Variants in CSMD3 observed in about 807,000 individuals in gnomAD.
The protein encoded by CSMD3 is CUB and Sushi multiple domains 3.
CSMD3 carries 177 observed loss-of-function variants against 435.2 expected under a neutral mutation model. That is an observed-to-expected ratio of 0.41 (90% CI 0.36 to 0.46). The LOEUF (loss-of-function observed/expected upper bound fraction) is 0.46. Among genes scored for constraint, CSMD3 ranks in the 20% least tolerant of loss-of-function variants. The probability of loss-of-function intolerance (pLI) is 0.34; values close to 1 mark genes in which losing one functional copy is unlikely to be tolerated. For synonymous variants in CSMD3, 1,656 were observed against 1,520.5 expected (o/e 1.09, Z -2.07); for missense variants, 4,265 against 4,504.6 (o/e 0.95, Z 1.52).
At chr8:112,629,454 C>T (rs1470870126) in intron 22 of CSMD3, among the ~76,000 whole-genome samples, 1 of 152,112 alleles carries the variant, frequency 6.6e-6, no homozygotes, top group Non-Finnish European at 1.5e-5. Flanking sequence ...TTAAAAAAAT[C>T]ATTTGTTTGC....
intron 3 of CSMD3, among the ~76,000 whole-genome samples, chr8:113,202,265 TCTTG>T (rs2092722949): frequency 6.6e-6 from 1 of 152,154 alleles, no homozygotes; most frequent in African/African-American, 2.4e-5. Context: ...TTCTTCTTAG[TCTTG>T]CTTGGATCTC....
intron 11 of CSMD3, among the ~76,000 whole-genome samples, chr8:112,846,916 C>A (rs573165922): frequency 6.6e-6 from 1 of 152,056 alleles, no homozygotes; most frequent in Admixed American, 6.6e-5. Flanking sequence ...AAAAGATCAG[C>A]GCCTTTAAAA....
At chr8:112,997,393 CATTA>C (rs1249117548) in intron 6 of CSMD3, among the ~76,000 whole-genome samples, 1 of 151,490 alleles carries the variant, frequency 6.6e-6, no homozygotes, top group Admixed American at 6.6e-5. Flanking sequence ...TTATAATGTA[CATTA>C]ATTATTTATG....
At chr8:112,227,997 G>T (rs1311054953) in intron 70 of CSMD3, among the ~76,000 whole-genome samples, 1 of 152,022 alleles carries the variant, frequency 6.6e-6, no homozygotes, top group Non-Finnish European at 1.5e-5. Flanking sequence ...AGCCGAGATT[G>T]TGCCACTGCA....
intron 6 of CSMD3, among the ~76,000 whole-genome samples, chr8:112,986,136 T>C (rs1285619047): frequency 6.6e-6 from 1 of 152,182 alleles, no homozygotes; most frequent in Non-Finnish European, 1.5e-5. Flanking sequence ...AATAAGAATA[T>C]GGAACACTCA....
chr8:113,400,472 A>T (rs985566471), intron 1 of CSMD3, among the ~76,000 whole-genome samples: 4 of 152,010 alleles, frequency 2.6e-5, no homozygotes, highest in African/African-American at 9.7e-5. Context: ...TATATTTAAA[A>T]ACTGCTATGA....
chr8:112,955,546 G>T (rs554581239), intron 7 of CSMD3, among the ~76,000 whole-genome samples: 9 of 151,740 alleles, frequency 5.9e-5, no homozygotes, highest in Admixed American at 2.6e-4. Flanking sequence ...TAGCTATTTT[G>T]AAATATAAGA....
chr8:112,361,572 C>CATACATATATATATATAT lies in CSMD3; in HGVS notation c.6137-9039_6137-9038insATATATATATATATGTAT, dbSNP rs1314097693. ...GTGTGTATGTATATATATACACATA[C>CATACATATATATATATAT]ATATATATATATATATATATATATA... On this transcript the variant is annotated intron_variant, in intron 38 of 70. Coordinates refer to ENST00000297405, the MANE Select transcript of CSMD3 (RefSeq NM_198123.2). 2.8e-5 allele frequency among the ~76,000 whole-genome samples: 3 copies of CATACATATATATATATAT among 107,204 alleles called. 1 individual carries two copies. The highest frequency in any genetic ancestry group is 6.3e-4 in the South Asian group (2 of 3,178). The allele number at this position is 107,204 out of a possible 152,430, so 70.3% of individuals were successfully genotyped here.
intron 27 of CSMD3, among the ~76,000 whole-genome samples, chr8:112,547,669 GAA>G (rs1827304642): frequency 6.6e-6 from 1 of 152,116 alleles, no homozygotes; most frequent in African/African-American, 2.4e-5. Flanking sequence ...AGAATAGTAA[GAA>G]AATATTTTAC....
chr8:113,336,318 G>A (rs538665655), intron 1 of CSMD3, among the ~76,000 whole-genome samples: 33 of 149,424 alleles, frequency 2.2e-4, no homozygotes, highest in Non-Finnish European at 3.6e-4. Flanking sequence ...TGACACTTTC[G>A]CTTGAAAAAA....
intron 22 of CSMD3, among the ~76,000 whole-genome samples, chr8:112,610,012 G>A (rs1195469072): frequency 1.3e-5 from 2 of 151,952 alleles, no homozygotes; most frequent in East Asian, 1.9e-4. Flanking sequence ...TAACAAAGGT[G>A]GGGGGTAGGG....
intron 5 of CSMD3, among the ~76,000 whole-genome samples, chr8:113,053,055 A>G (rs894490928): frequency 6.6e-6 from 1 of 152,138 alleles, no homozygotes; most frequent in Non-Finnish European, 1.5e-5. Flanking sequence ...TTTTCAATCA[A>G]GTCAATGACT....
chr8:112,449,291 A>T, intron 32 of CSMD3, among the ~76,000 whole-genome samples: 1 of 152,170 alleles, frequency 6.6e-6, no homozygotes, highest in Admixed American at 6.5e-5. Context: ...TTTTGTGTTT[A>T]AAACAAAACA....
chr8:113,158,026 A>G (rs1039951778), intron 4 of CSMD3, among the ~76,000 whole-genome samples: 2 of 152,256 alleles, frequency 1.3e-5, no homozygotes, highest in Non-Finnish European at 2.9e-5. Flanking sequence ...ATAAGTAAGT[A>G]GAAAAAGAAG....
At chr8:113,055,193 C>T (rs1587977747) in intron 5 of CSMD3, among the ~76,000 whole-genome samples, 1 of 152,258 alleles carries the variant, frequency 6.6e-6, no homozygotes, top group South Asian at 2.1e-4. Flanking sequence ...CTCTGTCGCC[C>T]AGGCTGGAGT....
intron 5 of CSMD3, among the ~76,000 whole-genome samples, chr8:113,077,333 G>T (rs2089383638): frequency 6.6e-6 from 1 of 151,084 alleles, no homozygotes; most frequent in African/African-American, 2.4e-5. Flanking sequence ...ACTCTAAAAA[G>T]TTACTAAAAG....
intron 11 of CSMD3, among the ~76,000 whole-genome samples, chr8:112,858,090 T>C (rs1024193733): frequency 1.3e-5 from 2 of 151,692 alleles, no homozygotes; most frequent in Admixed American, 6.6e-5. Context: ...GGTTGAGTTT[T>C]AAACCAACTC....
At chr8:112,542,918 C>G (rs569666733) in intron 27 of CSMD3, among the ~76,000 whole-genome samples, 1 of 151,930 alleles carries the variant, frequency 6.6e-6, no homozygotes. Flanking sequence ...ATCTATGAAA[C>G]GGTAACAGGT....
At chr8:113,087,308 A>G (rs992261494) in intron 5 of CSMD3, among the ~76,000 whole-genome samples, 1 of 151,824 alleles carries the variant, frequency 6.6e-6, no homozygotes, top group African/African-American at 2.4e-5. Flanking sequence ...ATTCAATGCC[A>G]TCCCCATCAA....
Sources: allele counts gnomAD v4.1 joint callset (sites outside exome capture counted in the v4.1 genomes callset), GRCh38; gene constraint gnomAD v4.1.1; transcripts MANE v1.5; gene names NCBI Gene and HGNC (gene_info 2026-07-23, HGNC 2026-07-21).